The following PALS1 variants were observed in gnomAD, a reference collection of about 807,000 sequenced individuals.
The protein encoded by PALS1 is protein PALS1.
PALS1 carries 31 observed loss-of-function variants against 78.9 expected under a neutral mutation model. That is an observed-to-expected ratio of 0.39 (90% CI 0.30 to 0.53). The LOEUF is 0.53. PALS1 is among the 20% of genes least tolerant of loss of function. The probability of loss-of-function intolerance (pLI) is 0.67; values close to 1 mark genes in which losing one functional copy is unlikely to be tolerated. For missense variants in PALS1, 704 were observed against 826.5 expected, an observed-to-expected ratio of 0.85 and a Z score of 1.82; for synonymous variants, 276 against 270.9, an observed-to-expected ratio of 1.02 and a Z score of -0.18.
chr14:67,317,505 GGAATTATA>G, intron 11 of PALS1, 26 bp downstream of exon 11: 1 of 1,515,442 alleles, frequency 6.6e-7, no homozygotes, highest in Non-Finnish European at 9.1e-7. Flanking sequence ...AGGGATAGGT[GGAATTATA>G]TCTGAAAGGA....
intron 3 of PALS1, among the ~76,000 whole-genome samples, chr14:67,280,835 CCTT>C: frequency 7.4e-6 from 1 of 134,324 alleles, no homozygotes; most frequent in African/African-American, 3.1e-5. Context: ...TTCCTTCCTT[CCTT>C]CCTTCCTTCC....
rs2084381888 is a variant in PALS1, at chr14:67,269,711, C to T, written c.-226C>T. The T allele has an allele frequency of 6.6e-6, 1 of 152,516 alleles. No individual in the cohort carries two copies. Among genetic ancestry groups the T allele is most frequent in the Non-Finnish European group, 1.5e-5 (1 of 68,008 alleles). The allele number at this position is 152,516 out of a possible 1,614,324, so 9.4% of individuals were successfully genotyped here. A position where few individuals can be genotyped will look rare whatever the true frequency, so the allele number is the denominator to read the frequency against. ...TTTTCTTTTTTATAGAATAAGAAAG[C>T]CTTGAGTTTTGTGAAAAACCGGAGA... is the stretch of plus-strand genomic sequence containing the variant. On this transcript the variant is annotated 5_prime_UTR_variant, in exon 2 of 15. Coordinates refer to ENST00000261681, the MANE Select transcript of PALS1 (RefSeq NM_022474.4).
chr14:67,297,378 T>C (rs2084872883), intron 4 of PALS1, among the ~76,000 whole-genome samples: 1 of 152,224 alleles, frequency 6.6e-6, no homozygotes, highest in African/African-American at 2.4e-5. Flanking sequence ...GAAGAATTAA[T>C]AAACTATTAA....
At position 67,321,115 on chromosome 14, in the gene PALS1, G is replaced by A. The variant is rs573524479; in HGVS notation, c.1596G>A (p.Ser532=). 395 of 1,614,132 alleles carry A rather than the reference G, an allele frequency of 2.4e-4. 6 individuals carry two copies. In the South Asian group the frequency reaches 3.6e-3, roughly 15 times the overall value. Residue 532 remains serine, a synonymous_variant, in exon 13 of 15, where the codon TCG becomes TCA. Transcript: ENST00000261681. ...EVAGRDYHFV[S]RQAFEADIAA... Reference sequence around the variant, plus strand: ...CCGGTAGAGATTACCACTTTGTTTCGCGGCAAGCATTCGAGGCAGACATAG... The same window carrying A: ...CCGGTAGAGATTACCACTTTGTTTCACGGCAAGCATTCGAGGCAGACATAG...
chr14:67,281,548 A>G (rs774086752), intron 3 of PALS1, among the ~76,000 whole-genome samples: 1 of 152,052 alleles, frequency 6.6e-6, no homozygotes, highest in Non-Finnish European at 1.5e-5. Flanking sequence ...AAAATATTTT[A>G]TTGGAGAAAG....
intron 9 of PALS1, among the ~76,000 whole-genome samples, chr14:67,313,821 A>G (rs1321529795): frequency 6.6e-6 from 1 of 151,912 alleles, no homozygotes; most frequent in Non-Finnish European, 1.5e-5. Context: ...TTTTCATGAT[A>G]TTGTCTCTGT....
intron 8 of PALS1, among the ~76,000 whole-genome samples, chr14:67,310,490 G>GCC (rs1222899325): frequency 6.6e-6 from 1 of 152,174 alleles, no homozygotes; most frequent in Admixed American, 6.5e-5. Context: ...ACCAGGTGGG[G>GCC]CCTCTGAGGT....
chr14:67,316,844 A>G lies in PALS1; in HGVS notation c.1238A>G (p.Gln413Arg). ...LAGLVPGKSF[Q>R]QQREAMKQTI... is the part of the protein sequence containing the mutation. Reference sequence around the variant, plus strand: ...TTCTGCTATTAAGGGAAAAGCTTTCAGCAGCAAAGGGAAGCCATGAAACAA... The same window carrying G: ...TTCTGCTATTAAGGGAAAAGCTTTCGGCAGCAAAGGGAAGCCATGAAACAA... The change falls in exon 10 of 15, where the codon CAG (glutamine) becomes CGG (arginine). Residue 413 changes from glutamine (Q) to arginine (R), a missense_variant. Coordinates refer to ENST00000261681, the MANE Select transcript of PALS1 (RefSeq NM_022474.4). 6.2e-7 allele frequency: 1 copy of G among 1,612,006 alleles called. No individual in the cohort carries two copies. Among genetic ancestry groups the G allele is most frequent in the South Asian group, 1.1e-5 (1 of 90,640 alleles).
At chr14:67,331,593 AT>A (rs1317310439) in intron 14 of PALS1, among the ~76,000 whole-genome samples, 1 of 152,202 alleles carries the variant, frequency 6.6e-6, no homozygotes, top group South Asian at 2.1e-4. Flanking sequence ...GAGCTAAAAC[AT>A]TTTGTTTCAT....
At chr14:67,259,537 A>G (rs2084200873) in intron 1 of PALS1, among the ~76,000 whole-genome samples, 1 of 152,046 alleles carries the variant, frequency 6.6e-6, no homozygotes, top group Non-Finnish European at 1.5e-5. Flanking sequence ...GCGTGAACTC[A>G]GGAGGCAGAG....
In PALS1 at chr14:67,330,138, A is replaced by T. The variant is rs548195353; in HGVS notation, c.1852-2642A>T. 4.1e-3 allele frequency among the ~76,000 whole-genome samples: 595 copies of T among 146,478 alleles called. 3 individuals carry two copies. The highest frequency in any genetic ancestry group is 0.014 in the African/African-American group (543 of 39,990). On this transcript the variant is annotated intron_variant, in intron 14 of 14. Coordinates refer to ENST00000261681, the MANE Select transcript of PALS1 (RefSeq NM_022474.4). ...AAGACACAATCTGGAACCAGGAAAT[A>T]AATAATAATAATAATAATTATTATT...
chr14:67,306,064 G>C (rs2084997301), intron 8 of PALS1, among the ~76,000 whole-genome samples: 2 of 152,150 alleles, frequency 1.3e-5, no homozygotes, highest in Admixed American at 6.5e-5. Context: ...CCGCCTCCCA[G>C]AGTCAAGCAG....
At chr14:67,330,075 CCAGA>C (rs1010449493) in intron 14 of PALS1, among the ~76,000 whole-genome samples, 23 of 149,378 alleles carry the variant, frequency 1.5e-4, no homozygotes, top group African/African-American at 5.4e-4. Context: ...AGAATATATG[CCAGA>C]CAAATGCTCT....
At chr14:67,303,759 C>T (rs1000465254) in intron 8 of PALS1, among the ~76,000 whole-genome samples, 160 bp downstream of exon 8, 1 of 152,086 alleles carries the variant, frequency 6.6e-6, no homozygotes, top group Non-Finnish European at 1.5e-5. Flanking sequence ...AATTAGTAAA[C>T]TCTGCACCTT....
intron 11 of PALS1, among the ~76,000 whole-genome samples, chr14:67,318,527 G>A (rs1237281291): frequency 6.6e-6 from 1 of 152,092 alleles, no homozygotes; most frequent in Non-Finnish European, 1.5e-5. Flanking sequence ...TATACACACT[G>A]AGTCTATAAA....
At chr14:67,245,031 G>T (rs921573984) in intron 1 of PALS1, among the ~76,000 whole-genome samples, 28 of 152,200 alleles carry the variant, frequency 1.8e-4, no homozygotes, top group African/African-American at 6.8e-4. Flanking sequence ...AGGAGAGCAG[G>T]CCACAAACTA....
At position 67,317,495 on chromosome 14, in the gene PALS1, A is replaced by G; in HGVS notation, c.1369+16A>G. On this transcript the variant is annotated intron_variant, in intron 11 of 14. Transcript: ENST00000261681. ...AAAAATGATGGTAAGTTCTACTCTC[A>G]GGGATAGGTGGAATTATATCTGAAA... 3.2e-6 allele frequency: 5 copies of G among 1,561,104 alleles called. No individual in the cohort carries two copies. Among genetic ancestry groups the G allele is most frequent in the Non-Finnish European group, 4.4e-6 (5 of 1,136,842 alleles).
At chr14:67,259,463 T>G (rs2084198641) in intron 1 of PALS1, among the ~76,000 whole-genome samples, 1 of 151,726 alleles carries the variant, frequency 6.6e-6, no homozygotes, top group Non-Finnish European at 1.5e-5. Context: ...ATATAAAAAA[T>G]CAGCCGGGTG....
chr14:67,247,883 G>A (rs2084010618), intron 1 of PALS1, among the ~76,000 whole-genome samples: 1 of 152,038 alleles, frequency 6.6e-6, no homozygotes, highest in South Asian at 2.1e-4. Context: ...CTGGCTTCTT[G>A]CTCACTTTCT....
Sources: gnomAD v4.1 joint callset for allele counts (sites outside exome capture counted in the v4.1 genomes callset) on GRCh38, gnomAD v4.1.1 for gene constraint, MANE v1.5 for transcripts, NCBI Gene and HGNC (gene_info 2026-07-23, HGNC 2026-07-21) for gene names.